CERS3: variants seen among roughly 807,000 people sequenced by gnomAD.
CERS3 encodes the protein ceramide synthase 3, also known as LAG1 homolog, ceramide synthase 3.
In CERS3, 33 loss-of-function variants were observed where a neutral mutation model predicts 50.3. The observed-to-expected ratio is 0.66, with a 90% confidence interval of 0.50 to 0.88. The LOEUF (loss-of-function observed/expected upper bound fraction) is 0.88. Among genes scored for constraint, CERS3 ranks in the 40% least tolerant of loss-of-function variants. CERS3 has a pLI of 0.00. For missense variants in CERS3, 470 were observed against 460.3 expected, an observed-to-expected ratio of 1.02 and a Z score of -0.19; for synonymous variants, 176 against 155.2, an observed-to-expected ratio of 1.13 and a Z score of -0.99.
intron 1 of CERS3, among the ~76,000 whole-genome samples, chr15:100,543,685 A>G (rs1413069061): frequency 6.6e-6 from 1 of 152,042 alleles, no homozygotes; most frequent in Non-Finnish European, 1.5e-5. Flanking sequence ...GCCCACCACC[A>G]CGCTCGGCTT....
At chr15:100,409,488 A>G (rs559693359) in intron 11 of CERS3, among the ~76,000 whole-genome samples, 1 of 152,284 alleles carries the variant, frequency 6.6e-6, no homozygotes, top group South Asian at 2.1e-4. Flanking sequence ...GAGAAAAACC[A>G]TATCGCAACT....
At position 100,444,092 on chromosome 15, in the gene CERS3, A is replaced by C. The variant is rs144100122; in HGVS notation, c.999+11801T>G. On this transcript the variant is annotated intron_variant, in intron 11 of 11. Transcript: ENST00000679737. ...CAGGGACCAGGATCACATCCTGTAG[A>C]CTTTTTGTCCAAACAACTTGACCTT... Among the ~76,000 whole-genome samples, 1,170 of 152,234 alleles carry C rather than the reference A, an allele frequency of 7.7e-3. 23 individuals carry two copies. The highest frequency in any genetic ancestry group is 0.049 in the Admixed American group (748 of 15,288).
chr15:100,481,222 TG>T (rs2035289470), intron 5 of CERS3, among the ~76,000 whole-genome samples: 3 of 152,178 alleles, frequency 2.0e-5, no homozygotes, highest in Non-Finnish European at 2.9e-5. Flanking sequence ...AGCTGCACCT[TG>T]AAGTGCAGCT....
intron 11 of CERS3, among the ~76,000 whole-genome samples, chr15:100,421,582 A>G (rs1181194975): frequency 1.3e-5 from 2 of 149,224 alleles, no homozygotes; most frequent in Admixed American, 6.7e-5. Flanking sequence ...GGAAAAAACT[A>G]CTTTAAAGTT....
intron 11 of CERS3, among the ~76,000 whole-genome samples, chr15:100,419,458 C>A (rs1265159141): frequency 7.2e-6 from 1 of 139,810 alleles, no homozygotes; most frequent in African/African-American, 2.7e-5. Context: ...TACAAAGAGA[C>A]TTAGACTCCC....
intron 2 of CERS3, among the ~76,000 whole-genome samples, chr15:100,513,096 C>T (rs965425527): frequency 6.6e-6 from 1 of 152,186 alleles, no homozygotes; most frequent in Non-Finnish European, 1.5e-5. Context: ...CCTTTCGAGC[C>T]AGAGCTCTCC....
chr15:100,509,644 T>A (rs981021562), intron 2 of CERS3, among the ~76,000 whole-genome samples: 5 of 152,158 alleles, frequency 3.3e-5, no homozygotes, highest in Non-Finnish European at 7.3e-5. Context: ...AGGATATGAG[T>A]TGGCAAGAGC....
At chr15:100,488,045 A>G (rs765461436) in intron 4 of CERS3, among the ~76,000 whole-genome samples, 5 of 152,240 alleles carry the variant, frequency 3.3e-5, no homozygotes, top group Non-Finnish European at 7.3e-5. Context: ...GTCTTACCCC[A>G]AACATCTGGA....
At chr15:100,435,372 G>A (rs1303469377) in intron 11 of CERS3, among the ~76,000 whole-genome samples, 2 of 152,126 alleles carry the variant, frequency 1.3e-5, no homozygotes, top group South Asian at 2.1e-4. Flanking sequence ...GAAACAGGGA[G>A]TACCAAAGAA....
upstream of CERS3, chr15:100,529,395 C>T (rs1406192723): frequency 3.9e-5 from 6 of 152,212 alleles, no homozygotes; most frequent in Admixed American, 3.9e-4. Flanking sequence ...GATTTCTCTG[C>T]CCGCTTCCTA....
At chr15:100,441,603 C>G (rs923907757) in intron 11 of CERS3, among the ~76,000 whole-genome samples, 3 of 152,096 alleles carry the variant, frequency 2.0e-5, no homozygotes, top group Admixed American at 6.6e-5. Context: ...CTCTTTAACT[C>G]GCACCTGACC....
intron 1 of CERS3, among the ~76,000 whole-genome samples, chr15:100,537,602 C>T (rs752101458): frequency 6.6e-6 from 1 of 152,236 alleles, no homozygotes; most frequent in Non-Finnish European, 1.5e-5. Flanking sequence ...TCAGATCTCA[C>T]CAGAACTCCT....
At chr15:100,486,291 G>A (rs986700728) in intron 4 of CERS3, among the ~76,000 whole-genome samples, 4 of 152,172 alleles carry the variant, frequency 2.6e-5, no homozygotes, top group African/African-American at 4.8e-5. Flanking sequence ...GAACACTGCA[G>A]TGTCAAAGCA....
intron 11 of CERS3, among the ~76,000 whole-genome samples, chr15:100,409,941 G>A (rs1028127403): frequency 1.3e-5 from 2 of 152,134 alleles, no homozygotes; most frequent in African/African-American, 4.8e-5. Context: ...TGCCCTGGCC[G>A]GAGCATACTG....
At chr15:100,526,578 GC>G (rs2036800943) in intron 1 of CERS3, among the ~76,000 whole-genome samples, 2 of 150,150 alleles carry the variant, frequency 1.3e-5, no homozygotes, top group Non-Finnish European at 1.5e-5. Flanking sequence ...TGATGTTCTT[GC>G]TTTTTGCTTG....
chr15:100,497,852 T>TACACACAC (rs57343426), intron 3 of CERS3, among the ~76,000 whole-genome samples: 1 of 108,820 alleles, frequency 9.2e-6, no homozygotes, highest in African/African-American at 3.6e-5. Flanking sequence ...ACCTATCTCT[T>TACACACAC]ACACACACAC....
chr15:100,428,298 A>G (rs1206606557), intron 11 of CERS3, among the ~76,000 whole-genome samples: 1 of 152,252 alleles, frequency 6.6e-6, no homozygotes, highest in Admixed American at 6.5e-5. Context: ...TTCTCAAGGA[A>G]TCATGTGTTT....
chr15:100,483,772 A>T (rs1327126755), intron 5 of CERS3, among the ~76,000 whole-genome samples: 124 of 12,034 alleles, frequency 0.01, no homozygotes, highest in Non-Finnish European at 0.022. Flanking sequence ...AATAATAATA[A>T]TAATTATTAT....
chr15:100,493,830 G>T (rs967620990), intron 3 of CERS3, among the ~76,000 whole-genome samples: 3 of 151,950 alleles, frequency 2.0e-5, no homozygotes, highest in Admixed American at 2.0e-4. Flanking sequence ...ACTTCTATTT[G>T]GTTCTTTGTT....
Sources: gnomAD v4.1 joint callset for allele counts (sites outside exome capture counted in the v4.1 genomes callset) on GRCh38, gnomAD v4.1.1 for gene constraint, MANE v1.5 for transcripts, NCBI Gene and HGNC (gene_info 2026-07-23, HGNC 2026-07-21) for gene names.